Variants in ZNF480 observed in about 807,000 individuals in gnomAD.
ZNF480 encodes zinc finger protein 480.
ZNF480 carries 15 observed loss-of-function variants against 14.4 expected under a neutral mutation model. That is an observed-to-expected ratio of 1.04 (90% confidence interval 0.70 to 1.60). ZNF480 has a LOEUF of 1.60. Ranked by LOEUF, ZNF480 falls within the 40% of genes most tolerant of loss-of-function variation. ZNF480 has a pLI of 0.00. For missense variants in ZNF480, 593 were observed against 629.7 expected, an observed-to-expected ratio of 0.94 and a Z score of 0.62; for synonymous variants, 218 against 215.5, an observed-to-expected ratio of 1.01 and a Z score of -0.10.
chr19:52,300,530 A>G (rs1448413100), intron 2 of ZNF480, 46 bp downstream of exon 2: 1 of 1,605,410 alleles, frequency 6.2e-7, no homozygotes. Context: ...TTTCTTTCAG[A>G]AACGCTGGGC....
chr19:52,322,754 C>T lies in ZNF480; in HGVS notation c.1504C>T (p.Arg502Trp), dbSNP rs202115647. 1.2e-4 allele frequency: 197 copies of T among 1,611,446 alleles called. No individual in the cohort carries two copies. In the Middle Eastern group the frequency reaches 2.0e-3, roughly 16 times the overall value. Residue 502 changes from arginine (R) to tryptophan (W), a missense_variant, in exon 5 of 5, where the codon CGG (arginine) becomes TGG (tryptophan). Transcript: ENST00000595962. ...FNRIAHLARH[R>W]KIHTGEKPYK... Reference sequence around the variant, plus strand: ...TCGAATTGCACACCTTGCACGACATCGGAAAATTCATACTGGAGAGAAACC... The same window carrying T: ...TCGAATTGCACACCTTGCACGACATTGGAAAATTCATACTGGAGAGAAACC...
chr19:52,318,478 TTTC>T (rs1983660169), intron 4 of ZNF480, among the ~76,000 whole-genome samples: 3 of 152,202 alleles, frequency 2.0e-5, no homozygotes, highest in African/African-American at 7.2e-5. Flanking sequence ...TATGGTAGGT[TTTC>T]TTTACATTGT....
chr19:52,314,009 A>G (rs891693901), intron 2 of ZNF480, 144 bp from the exon 3 acceptor site: 5 of 906,308 alleles, frequency 5.5e-6, no homozygotes, highest in Non-Finnish European at 7.9e-6. Flanking sequence ...ATTTACAGAC[A>G]CATAACTACA....
Position 52,321,967 on chromosome 19 carries a change from C to T in ZNF480, c.717C>T (p.Val239=), listed in dbSNP as rs1555799347. The T allele has an allele frequency of 6.2e-7, 1 of 1,612,396 alleles. No individual in the cohort carries two copies. The highest frequency in any genetic ancestry group is 8.5e-7 in the Non-Finnish European group (1 of 1,178,624). The change falls in exon 5 of 5, where the codon GTC becomes GTT. Residue 239 remains valine, a synonymous_variant. Coordinates refer to ENST00000595962, the MANE Select transcript of ZNF480 (RefSeq NM_144684.4). Reference sequence around the variant, plus strand: ...ACAAATGTAATTCATGCGGCAAGGTCTTTAGTCGCAATTCACACCTTGCAG... The same window carrying T: ...ACAAATGTAATTCATGCGGCAAGGTTTTTAGTCGCAATTCACACCTTGCAG... ...KPYKCNSCGK[V]FSRNSHLAEH... is the part of the protein sequence containing the mutation.
At chr19:52,303,205 A>G (rs1361747515) in intron 2 of ZNF480, among the ~76,000 whole-genome samples, 1 of 152,212 alleles carries the variant, frequency 6.6e-6, no homozygotes, top group Non-Finnish European at 1.5e-5. Flanking sequence ...GATCCAGAGT[A>G]AGAAGCTTTA....
At chr19:52,315,082 C>A (rs988424124) in intron 3 of ZNF480, among the ~76,000 whole-genome samples, 1 of 152,048 alleles carries the variant, frequency 6.6e-6, no homozygotes, top group African/African-American at 2.4e-5. Flanking sequence ...CCTTAGCCTC[C>A]CTAGTAACTG....
rs139188703 is a variant in ZNF480 at position 52,315,904 on chromosome 19, T to G, written c.270T>G (p.Ser90Arg). Reference sequence around the variant, plus strand: ...GGAGGGAGCCCTGGTCTGGTGAGAGTGAAGTGAAAATAGCAAAAAATTCAG... The same window carrying G: ...GGAGGGAGCCCTGGTCTGGTGAGAGGGAAGTGAAAATAGCAAAAAATTCAG... ...EQRREPWSGE[S>R]EVKIAKNSDG... Residue 90 changes from serine to arginine, a missense_variant, in exon 4 of 5, where the codon AGT becomes AGG. By Grantham distance (110) the Ser-to-Arg change is moderately radical. Transcript: ENST00000595962. 13 of 1,612,346 alleles carry G rather than the reference T, an allele frequency of 8.1e-6. No individual in the cohort carries two copies. The African/African-American group carries it at 1.5e-4, about 18-fold the overall frequency.
At position 52,323,059 on chromosome 19, in the gene ZNF480, C is replaced by CA; in HGVS notation, c.*208dup. 1 of 445,432 alleles carries CA rather than the reference C, an allele frequency of 2.2e-6. No individual in the cohort carries two copies. Among genetic ancestry groups the CA allele is most frequent in the Non-Finnish European group, 3.8e-6 (1 of 262,770 alleles). The allele number at this position is 445,432 out of a possible 1,614,324, so 27.6% of individuals were successfully genotyped here. A position where few individuals can be genotyped will look rare whatever the true frequency, so the allele number is the denominator to read the frequency against. On this transcript the variant is annotated 3_prime_UTR_variant, in exon 5 of 5. Transcript: ENST00000595962. Reference sequence around the variant, plus strand: ...TATAATAAATGTGTGGAAAAGTCTTCAAAAAAATTTCACACCTTGCAAAAG... The same window carrying CA: ...TATAATAAATGTGTGGAAAAGTCTTCAAAAAAAATTTCACACCTTGCAAAAG...
At chr19:52,319,938 C>T (rs1186294445) in intron 4 of ZNF480, among the ~76,000 whole-genome samples, 2 of 151,784 alleles carry the variant, frequency 1.3e-5, no homozygotes, top group Non-Finnish European at 2.9e-5. Flanking sequence ...CTGCCACAGC[C>T]TCCTGAGTAG....
At chr19:52,320,044 C>T (rs867727708) in intron 4 of ZNF480, among the ~76,000 whole-genome samples, 14 of 152,132 alleles carry the variant, frequency 9.2e-5, no homozygotes, top group African/African-American at 3.4e-4. Context: ...TCTCAAACTC[C>T]TGACCTAGTG....
In ZNF480 at chr19:52,322,869, T is replaced by C; in HGVS notation, c.*11T>C. On this transcript the variant is annotated 3_prime_UTR_variant, in exon 5 of 5. Coordinates refer to ENST00000595962, the MANE Select transcript of ZNF480 (RefSeq NM_144684.4). The stretch of plus-strand genomic sequence containing the variant: ...ATTCATATGGGATAGAAACTACAAA[T>C]GCAACAAATGCGTCAAAGAATTTAG... 1 of 1,542,194 alleles carries C rather than the reference T, an allele frequency of 6.5e-7. No homozygotes were observed. Among genetic ancestry groups the C allele is most frequent in the Non-Finnish European group, 8.8e-7 (1 of 1,142,486 alleles).
intron 2 of ZNF480, among the ~76,000 whole-genome samples, chr19:52,306,461 T>A (rs1376956359): frequency 6.6e-6 from 1 of 152,148 alleles, no homozygotes; most frequent in African/African-American, 2.4e-5. Flanking sequence ...GGTCTGCAGT[T>A]ATATTAATTT....
chr19:52,300,852 G>A (rs1400764944), intron 2 of ZNF480: 2 of 257,990 alleles, frequency 7.8e-6, no homozygotes, highest in Non-Finnish European at 1.5e-5. Context: ...AACATTCTTA[G>A]CAAGGAGTAG....
chr19:52,301,386 A>ATTATAAATAT (rs1237451893), intron 2 of ZNF480: 2 of 152,204 alleles, frequency 1.3e-5, no homozygotes, highest in Non-Finnish European at 2.9e-5. Flanking sequence ...GTTTTGTAAT[A>ATTATAAATAT]TCTAAAGATA....
intron 2 of ZNF480, 168 bp downstream of exon 2, chr19:52,300,652 C>T (rs902661890): frequency 2.0e-4 from 226 of 1,132,530 alleles, no homozygotes; most frequent in Middle Eastern, 1.4e-3. Flanking sequence ...GGGACCCTAA[C>T]CTAGTGGCAC....
chr19:52,302,114 C>G (rs148169821), intron 2 of ZNF480: 1 of 241,462 alleles, frequency 4.1e-6, no homozygotes, highest in Non-Finnish European at 8.2e-6. Flanking sequence ...GTATCCAAAT[C>G]GGCTGCTGGT....
At chr19:52,311,664 G>T (rs902233604) in intron 2 of ZNF480, among the ~76,000 whole-genome samples, 1 of 152,072 alleles carries the variant, frequency 6.6e-6, no homozygotes, top group Admixed American at 6.6e-5. Flanking sequence ...ATGACAGGTG[G>T]GTGCAGTGGT....
chr19:52,303,118 C>T (rs1418165850), intron 2 of ZNF480, among the ~76,000 whole-genome samples: 1 of 152,178 alleles, frequency 6.6e-6, no homozygotes, highest in African/African-American at 2.4e-5. Context: ...ATCTTAAAAG[C>T]AGTCAGTACC....
chr19:52,298,564 G>T (rs1296065682), intron 1 of ZNF480, among the ~76,000 whole-genome samples: 1 of 152,044 alleles, frequency 6.6e-6, no homozygotes, highest in Non-Finnish European at 1.5e-5. Flanking sequence ...CCGGGAGGCG[G>T]AGGTTGCAGT....
Sources: gnomAD v4.1 joint callset for allele counts (sites outside exome capture counted in the v4.1 genomes callset) on GRCh38, gnomAD v4.1.1 for gene constraint, MANE v1.5 for transcripts, NCBI Gene and HGNC (gene_info 2026-07-23, HGNC 2026-07-21) for gene names.